The following GPC6 variants were observed in gnomAD, a reference collection of about 807,000 sequenced individuals.
GPC6 encodes glypican-6.
Under a neutral mutation model 55.2 loss-of-function variants are expected in GPC6, and 14 were observed. The observed-to-expected ratio is 0.25, with a 90% CI of 0.17 to 0.40. The LOEUF is 0.40. GPC6 is among the 10% of genes least tolerant of loss of function. The probability of loss-of-function intolerance (pLI) is 1.00; values close to 1 mark genes in which losing one functional copy is unlikely to be tolerated. For missense variants in GPC6, 641 were observed against 708.5 expected (o/e 0.90, Z 1.08); for synonymous variants, 278 against 259.6 (o/e 1.07, Z -0.68).
chr13:93,576,827 T>G (rs1054043225), intron 2 of GPC6, among the ~76,000 whole-genome samples: 5 of 152,148 alleles, frequency 3.3e-5, no homozygotes, highest in Admixed American at 6.5e-5. Context: ...TTGTATATAT[T>G]GCATTGTTGA....
At chr13:94,386,232 T>C (rs182041334) in intron 7 of GPC6, among the ~76,000 whole-genome samples, 28 of 151,882 alleles carry the variant, frequency 1.8e-4, no homozygotes, top group Admixed American at 4.6e-4. Context: ...TGGTGGTGGG[T>C]GCCTGTAGTC....
At chr13:93,748,369 T>G (rs1884470843) in intron 2 of GPC6, among the ~76,000 whole-genome samples, 1 of 152,126 alleles carries the variant, frequency 6.6e-6, no homozygotes, top group African/African-American at 2.4e-5. Flanking sequence ...TCACTTTTTA[T>G]TTGTAGCTTT....
intron 5 of GPC6, among the ~76,000 whole-genome samples, chr13:94,294,437 TAAAAAAAAAA>T (rs397944823): frequency 8.6e-6 from 1 of 116,754 alleles, no homozygotes; most frequent in African/African-American, 3.1e-5. Context: ...AAATGAAGAT[TAAAAAAAAAA>T]AAAAAAAAAC....
At chr13:93,961,157 G>A (rs1879758099) in intron 3 of GPC6, among the ~76,000 whole-genome samples, 1 of 152,108 alleles carries the variant, frequency 6.6e-6, no homozygotes, top group Admixed American at 6.5e-5. Flanking sequence ...GGTTGTTTTG[G>A]CATCCTGTTG....
chr13:93,980,900 A>C (rs2140404591), intron 3 of GPC6, among the ~76,000 whole-genome samples: 1 of 152,252 alleles, frequency 6.6e-6, no homozygotes, highest in Non-Finnish European at 1.5e-5. Context: ...GATTTCTCCT[A>C]AGAGCACACC....
At chr13:93,536,988 T>A (rs1333785225) in intron 1 of GPC6, among the ~76,000 whole-genome samples, 1 of 152,206 alleles carries the variant, frequency 6.6e-6, no homozygotes, top group Non-Finnish European at 1.5e-5. Context: ...CCTAAACAAT[T>A]TGAAAATATT....
intron 3 of GPC6, among the ~76,000 whole-genome samples, chr13:93,940,035 A>G (rs1878654503): frequency 6.6e-6 from 1 of 152,200 alleles, no homozygotes; most frequent in South Asian, 2.1e-4. Context: ...AAAATAGTTG[A>G]AAGAAAATAA....
At chr13:93,737,546 T>A (rs1304893079) in intron 2 of GPC6, among the ~76,000 whole-genome samples, 1 of 152,106 alleles carries the variant, frequency 6.6e-6, no homozygotes, top group Non-Finnish European at 1.5e-5. Context: ...AAAATGCAAT[T>A]TAATTAAGTA....
intron 2 of GPC6, among the ~76,000 whole-genome samples, chr13:93,571,948 G>C (rs551683003): frequency 1.2e-3 from 189 of 151,900 alleles, no homozygotes; most frequent in African/African-American, 4.5e-3. Flanking sequence ...TATTTTAAAA[G>C]ACATGATCTA....
chr13:93,972,890 T>C (rs1880344474), intron 3 of GPC6, among the ~76,000 whole-genome samples: 1 of 151,960 alleles, frequency 6.6e-6, no homozygotes, highest in South Asian at 2.1e-4. Flanking sequence ...AAACATGGTG[T>C]CTGTCTCTCT....
At chr13:93,720,767 C>G (rs1594399927) in intron 2 of GPC6, among the ~76,000 whole-genome samples, 2 of 151,952 alleles carry the variant, frequency 1.3e-5, no homozygotes, top group African/African-American at 4.8e-5. Flanking sequence ...TACGTTGTGT[C>G]TTTGTTCTCA....
At chr13:93,427,268 A>G (rs964026535) in intron 1 of GPC6, among the ~76,000 whole-genome samples, 2 of 151,854 alleles carry the variant, frequency 1.3e-5, no homozygotes, top group African/African-American at 2.4e-5. Flanking sequence ...TTCATATGGA[A>G]CCAAAAAAGA....
chr13:93,375,129 A>G (rs1357883404), intron 1 of GPC6, among the ~76,000 whole-genome samples: 1 of 152,174 alleles, frequency 6.6e-6, no homozygotes, highest in African/African-American at 2.4e-5. Context: ...CCAATATGGT[A>G]TCAGGCCTAA....
At chr13:94,307,854 C>T (rs749019767) in intron 6 of GPC6, among the ~76,000 whole-genome samples, 13 of 152,198 alleles carry the variant, frequency 8.5e-5, no homozygotes, top group Non-Finnish European at 1.9e-4. Context: ...TTTGCTGGCT[C>T]TAACTTAGTT....
chr13:93,963,630 G>T (rs779827005), intron 3 of GPC6, among the ~76,000 whole-genome samples: 3 of 152,142 alleles, frequency 2.0e-5, no homozygotes, highest in Non-Finnish European at 4.4e-5. Flanking sequence ...GCTAAATGGC[G>T]TATGTTTGTC....
rs116545799 is a variant in GPC6, at chr13:93,364,919, A to C, written c.160+137303A>C. 5.5e-3 allele frequency among the ~76,000 whole-genome samples: 838 copies of C among 151,570 alleles called. 6 individuals carry two copies. Among genetic ancestry groups the C allele is most frequent in the African/African-American group, 0.019 (787 of 41,312 alleles). ...ACCTCCGGTCTGTCTCCATTTATGG[A>C]TCCTCCCCATCTTGTCTTTGGTTCT... On this transcript the variant is annotated intron_variant, in intron 1 of 8. Coordinates refer to ENST00000377047, the MANE Select transcript of GPC6 (RefSeq NM_005708.5).
chr13:93,267,146 A>G (rs1877350086), intron 1 of GPC6, among the ~76,000 whole-genome samples: 1 of 152,152 alleles, frequency 6.6e-6, no homozygotes, highest in African/African-American at 2.4e-5. Flanking sequence ...AAATGTGGAG[A>G]TTTACATGTT....
chr13:94,317,435 T>G (rs1172260515), intron 6 of GPC6, among the ~76,000 whole-genome samples: 1 of 152,190 alleles, frequency 6.6e-6, no homozygotes, highest in African/African-American at 2.4e-5. Context: ...AGAAGAGCTC[T>G]GAGAAGAAAA....
At chr13:94,169,783 G>C (rs966703107) in intron 4 of GPC6, among the ~76,000 whole-genome samples, 3 of 152,114 alleles carry the variant, frequency 2.0e-5, no homozygotes, top group Non-Finnish European at 4.4e-5. Context: ...CACAGAGAAC[G>C]TCACAGAGAG....
Sources: allele counts gnomAD v4.1 joint callset (sites outside exome capture counted in the v4.1 genomes callset), GRCh38; gene constraint gnomAD v4.1.1; transcripts MANE v1.5; gene names NCBI Gene and HGNC (gene_info 2026-07-23, HGNC 2026-07-21).